Variants in GPCPD1 observed in about 807,000 individuals in gnomAD.
GPCPD1 encodes the protein glycerophosphocholine phosphodiesterase 1, also known as glycerophosphocholine phosphodiesterase GPCPD1.
GPCPD1 carries 29 observed loss-of-function variants against 89.2 expected under a neutral mutation model. The ratio of observed to expected loss-of-function variants is 0.33; its 90% CI spans 0.24 to 0.44. The LOEUF (loss-of-function observed/expected upper bound fraction) is 0.44, where lower values mean the gene tolerates loss of function less well. GPCPD1 is among the 20% of genes least tolerant of loss of function. The probability of loss-of-function intolerance (pLI) is 1.00; values close to 1 mark genes in which losing one functional copy is unlikely to be tolerated. For missense variants in GPCPD1, 594 were observed against 808.9 expected (o/e 0.73, Z 3.22); for synonymous variants, 258 against 266.3 (o/e 0.97, Z 0.30).
intron 2 of GPCPD1, among the ~76,000 whole-genome samples, chr20:5,601,185 C>CA (rs971426986): frequency 5.3e-5 from 8 of 150,300 alleles, no homozygotes; most frequent in South Asian, 2.1e-4. Context: ...CCTGTCTGTA[C>CA]AAAAAAAAAT....
In GPCPD1 at chr20:5,546,327, A is replaced by C. The variant is rs1985023963; in HGVS notation, c.*1334T>G. The C allele has an allele frequency of 6.6e-6, 1 of 152,224 alleles. No homozygotes were observed. Among genetic ancestry groups the C allele is most frequent in the Non-Finnish European group, 1.5e-5 (1 of 68,040 alleles). 9.4% of individuals were successfully genotyped at this position (152,224 alleles called of 1,614,324 possible). A position where few individuals can be genotyped will look rare whatever the true frequency, so the allele number is the denominator to read the frequency against. ...ACCAAAATATGTCAATATATGAATA[A>C]ACTGCCTTGTGAAAAACATGCAGTA... is the stretch of plus-strand genomic sequence containing the variant. On this transcript the variant is annotated 3_prime_UTR_variant, in exon 20 of 20. Coordinates refer to ENST00000379019, the MANE Select transcript of GPCPD1 (RefSeq NM_019593.5).
At chr20:5,597,590 C>T (rs1568676475) in intron 3 of GPCPD1, among the ~76,000 whole-genome samples, 1 of 152,174 alleles carries the variant, frequency 6.6e-6, no homozygotes, top group Non-Finnish European at 1.5e-5. Flanking sequence ...GAAAATAGAG[C>T]CTTAGCAATC....
chr20:5,548,834 CGGCG>C, intron 19 of GPCPD1: 1 of 741,568 alleles, frequency 1.3e-6, no homozygotes, highest in South Asian at 2.6e-5. Context: ...CGATGTAAGA[CGGCG>C]GACTGTCAAA....
chr20:5,598,389 G>A (rs1052895796), intron 3 of GPCPD1, among the ~76,000 whole-genome samples: 1 of 151,864 alleles, frequency 6.6e-6, no homozygotes, highest in African/African-American at 2.4e-5. Context: ...CTGGGTAACA[G>A]AGTGAGACCC....
At chr20:5,590,347 C>T (rs1378931842) in intron 4 of GPCPD1, among the ~76,000 whole-genome samples, 2 of 151,614 alleles carry the variant, frequency 1.3e-5, no homozygotes, top group Non-Finnish European at 2.9e-5. Flanking sequence ...TTGAGACCAG[C>T]CTGGCTAACA....
intron 4 of GPCPD1, among the ~76,000 whole-genome samples, chr20:5,587,976 TTC>T (rs746165367): frequency 2.0e-5 from 3 of 152,168 alleles, no homozygotes; most frequent in Non-Finnish European, 4.4e-5. Flanking sequence ...CTAAATAAAA[TTC>T]TCTTTTTCTC....
intron 2 of GPCPD1, among the ~76,000 whole-genome samples, chr20:5,602,989 A>T (rs74676730): frequency 1.2e-5 from 1 of 85,742 alleles, no homozygotes. Context: ...TCTCAATTAA[A>T]AAAAAAAAAA....
intron 8 of GPCPD1, among the ~76,000 whole-genome samples, chr20:5,576,454 A>G (rs991362328): frequency 1.4e-4 from 22 of 151,852 alleles, no homozygotes; most frequent in East Asian, 1.4e-3. Context: ...AACATTTTCA[A>G]TTTAAAGATC....
intron 15 of GPCPD1, among the ~76,000 whole-genome samples, chr20:5,563,282 A>G (rs1204667030): frequency 1.3e-5 from 2 of 152,012 alleles, no homozygotes; most frequent in African/African-American, 4.8e-5. Flanking sequence ...CCTGGCCAAA[A>G]TTTCTTTGTG....
At chr20:5,589,159 T>C (rs1979147010) in intron 4 of GPCPD1, among the ~76,000 whole-genome samples, 1 of 152,194 alleles carries the variant, frequency 6.6e-6, no homozygotes, top group South Asian at 2.1e-4. Context: ...GAACTATGTC[T>C]ATCATCATTC....
At chr20:5,569,160 A>G (rs909108410) in intron 12 of GPCPD1, among the ~76,000 whole-genome samples, 1 of 150,270 alleles carries the variant, frequency 6.7e-6, no homozygotes, top group Admixed American at 6.6e-5. Context: ...TTTCGCAGAA[A>G]CAAAAGGGTC....
Position 5,558,769 on chromosome 20 carries a change from T to C in GPCPD1, c.1583A>G (p.Lys528Arg). The stretch of plus-strand genomic sequence containing the variant: ...CATGAGTTCAGGATAAATCTCAGAT[T>C]TTCCTTGAGTTAAAAATAGTATCGG... Reference protein sequence around the residue: ...KYPILFLTQGKSEIYPELMDL... With the variant: ...KYPILFLTQGRSEIYPELMDL... Residue 528 changes from lysine (K) to arginine (R), a missense_variant, in exon 18 of 20, where the codon AAA becomes AGA. Transcript: ENST00000379019. 1 of 1,591,932 alleles carries C rather than the reference T, an allele frequency of 6.3e-7. No homozygotes were observed.
At chr20:5,598,902 AACCAGAT>A (rs1462512844) in intron 2 of GPCPD1, 81 bp from the exon 3 acceptor site, 1 of 849,680 alleles carries the variant, frequency 1.2e-6, no homozygotes. Context: ...GCATTAGTTC[AACCAGAT>A]ATGCTGCCCC....
chr20:5,570,677 C>G (rs1986667715), intron 11 of GPCPD1, among the ~76,000 whole-genome samples: 1 of 152,166 alleles, frequency 6.6e-6, no homozygotes, highest in Admixed American at 6.6e-5. Flanking sequence ...AGCTCGGCTC[C>G]TTAGGGCACC....
At position 5,575,966 on chromosome 20, in the gene GPCPD1, C is replaced by T; in HGVS notation, c.718G>A (p.Glu240Lys). 1 of 1,576,430 alleles carries T rather than the reference C, an allele frequency of 6.3e-7. No homozygotes were observed. Residue 240 changes from glutamate (E) to lysine (K), a missense_variant, in exon 9 of 20, where the codon GAG (glutamate) becomes AAG (lysine). Physicochemically the swap from Glu to Lys is moderately conservative, Grantham distance 56 (BLOSUM62 1). Coordinates refer to ENST00000379019, the MANE Select transcript of GPCPD1 (RefSeq NM_019593.5). ...AGGGCATCACCCTGAACTACGTGCT[C>T]ACTGAGATCTTCCTGAAAAAATGAG... is the stretch of plus-strand genomic sequence containing the variant. Reference protein sequence around the residue: ...IFDFFEEDLSEHVVQGDALPG... With the variant: ...IFDFFEEDLSKHVVQGDALPG...
intron 19 of GPCPD1, among the ~76,000 whole-genome samples, chr20:5,551,211 G>A (rs1389673620): frequency 6.6e-6 from 1 of 152,190 alleles, no homozygotes; most frequent in African/African-American, 2.4e-5. Flanking sequence ...GATGTGCTGA[G>A]CTAGAGACCT....
intron 19 of GPCPD1, among the ~76,000 whole-genome samples, chr20:5,554,174 C>T (rs143910353): frequency 0.018 from 1,747 of 98,646 alleles, 378 homozygotes; most frequent in African/African-American, 0.074. Flanking sequence ...TTAGTAGAGA[C>T]GGGTTTTCAC....
At chr20:5,584,796 A>T (rs1319594391) in intron 5 of GPCPD1, 1 of 152,964 alleles carries the variant, frequency 6.5e-6, no homozygotes, top group Non-Finnish European at 1.5e-5. Flanking sequence ...CTTTACGAAC[A>T]GCGTGAACTT....
intron 13 of GPCPD1, 141 bp from the exon 14 acceptor site, chr20:5,566,913 T>C (rs1027587100): frequency 7.9e-6 from 5 of 629,506 alleles, no homozygotes; most frequent in South Asian, 6.0e-5. Flanking sequence ...GAATAAGCAC[T>C]AGCCACTATA....
Sources: gnomAD v4.1 joint callset for allele counts (sites outside exome capture counted in the v4.1 genomes callset) on GRCh38, gnomAD v4.1.1 for gene constraint, MANE v1.5 for transcripts, NCBI Gene and HGNC (gene_info 2026-07-23, HGNC 2026-07-21) for gene names.